Variants in ARHGAP15 observed in about 807,000 individuals in gnomAD.
ARHGAP15 encodes the protein rho GTPase-activating protein 15.
In ARHGAP15, 51 loss-of-function variants were observed where a neutral mutation model predicts 63.7. The observed-to-expected ratio is 0.80, with a 90% CI of 0.64 to 1.01. ARHGAP15 has a LOEUF of 1.01. ARHGAP15 is among the 50% of genes least tolerant of loss of function. The pLI is 0.00. For synonymous variants in ARHGAP15, 191 were observed against 193.8 expected, an observed-to-expected ratio of 0.99 and a Z score of 0.12; for missense variants, 560 against 564.6, an observed-to-expected ratio of 0.99 and a Z score of 0.08.
chr2:143,303,255 T>C (rs908912545), intron 6 of ARHGAP15, among the ~76,000 whole-genome samples: 1 of 152,066 alleles, frequency 6.6e-6, no homozygotes, highest in Non-Finnish European at 1.5e-5. Flanking sequence ...AATTTTGCTA[T>C]GTATCCATCT....
At chr2:143,605,178 C>T (rs1229806814) in intron 11 of ARHGAP15, among the ~76,000 whole-genome samples, 2 of 152,172 alleles carry the variant, frequency 1.3e-5, no homozygotes, top group African/African-American at 4.8e-5. Flanking sequence ...ATATGAGCCA[C>T]TGCACCCAGC....
chr2:143,404,804 T>A (rs763686708), intron 6 of ARHGAP15, among the ~76,000 whole-genome samples: 1 of 151,900 alleles, frequency 6.6e-6, no homozygotes, highest in Non-Finnish European at 1.5e-5. Flanking sequence ...GTGAATTGCA[T>A]TGAGTTTATA....
chr2:143,588,875 A>G (rs1255189168), intron 11 of ARHGAP15, among the ~76,000 whole-genome samples: 1 of 152,022 alleles, frequency 6.6e-6, no homozygotes, highest in African/African-American at 2.4e-5. Flanking sequence ...CTCTTTAATA[A>G]ATTTGTTTTC....
intron 6 of ARHGAP15, among the ~76,000 whole-genome samples, chr2:143,396,630 T>A (rs62172061): frequency 2.1e-5 from 3 of 141,978 alleles, no homozygotes; most frequent in Non-Finnish European, 4.6e-5. Context: ...TTTTTTTTTT[T>A]AATCTAAACG....
intron 10 of ARHGAP15, among the ~76,000 whole-genome samples, chr2:143,535,239 G>A (rs1327390296): frequency 6.6e-6 from 1 of 152,056 alleles, no homozygotes; most frequent in Non-Finnish European, 1.5e-5. Flanking sequence ...AAGCCAACAT[G>A]TTGTACCCAT....
chr2:143,547,055 T>G (rs141583324), intron 10 of ARHGAP15, among the ~76,000 whole-genome samples: 40 of 152,254 alleles, frequency 2.6e-4, no homozygotes, highest in African/African-American at 8.9e-4. Flanking sequence ...TCTAGAGAAA[T>G]TTCTCAAGCA....
intron 6 of ARHGAP15, among the ~76,000 whole-genome samples, chr2:143,317,003 T>C (rs189115482): frequency 4.6e-5 from 7 of 152,264 alleles, no homozygotes; most frequent in Non-Finnish European, 8.8e-5. Context: ...AATAAACTTT[T>C]CCTGATTATT....
chr2:143,340,092 C>T (rs545661032), intron 6 of ARHGAP15, among the ~76,000 whole-genome samples: 1 of 152,074 alleles, frequency 6.6e-6, no homozygotes, highest in African/African-American at 2.4e-5. Flanking sequence ...AGAAGCAATA[C>T]GTATATGAAA....
At chr2:143,387,838 C>A (rs561927804) in intron 6 of ARHGAP15, among the ~76,000 whole-genome samples, 1 of 148,572 alleles carries the variant, frequency 6.7e-6, no homozygotes, top group Admixed American at 7.1e-5. Context: ...CACACGCATG[C>A]AAGCACACAC....
intron 11 of ARHGAP15, among the ~76,000 whole-genome samples, chr2:143,587,460 C>T (rs1187904920): frequency 6.6e-6 from 1 of 152,132 alleles, no homozygotes; most frequent in Non-Finnish European, 1.5e-5. Context: ...ATGCTTTTCA[C>T]TAGAAATAAT....
At chr2:143,653,988 G>A (rs976722156) in intron 12 of ARHGAP15, among the ~76,000 whole-genome samples, 1 of 152,102 alleles carries the variant, frequency 6.6e-6, no homozygotes, top group Non-Finnish European at 1.5e-5. Context: ...GACATGATTA[G>A]ATTTGAAATA....
intron 6 of ARHGAP15, among the ~76,000 whole-genome samples, chr2:143,385,443 A>G (rs113484401): frequency 2.0e-5 from 3 of 152,292 alleles, no homozygotes; most frequent in African/African-American, 7.2e-5. Flanking sequence ...AAGTGAAGGC[A>G]TATGTTTTGA....
At chr2:143,751,083 G>T (rs114460790) in intron 13 of ARHGAP15, among the ~76,000 whole-genome samples, 1 of 152,116 alleles carries the variant, frequency 6.6e-6, no homozygotes, top group Admixed American at 6.5e-5. Flanking sequence ...TTAACATGGC[G>T]CCAGTTACCT....
chr2:143,170,682 C>T (rs1690739855), intron 2 of ARHGAP15, among the ~76,000 whole-genome samples: 1 of 152,136 alleles, frequency 6.6e-6, no homozygotes, highest in South Asian at 2.1e-4. Flanking sequence ...CCAACTAAAA[C>T]TCAACCCCCT....
At chr2:143,571,220 A>C (rs958376650) in intron 11 of ARHGAP15, among the ~76,000 whole-genome samples, 1 of 152,218 alleles carries the variant, frequency 6.6e-6, no homozygotes, top group Admixed American at 6.5e-5. Context: ...TATGGTGAGC[A>C]TGTAACAATA....
At chr2:143,504,293 G>A (rs778811185) in intron 9 of ARHGAP15, among the ~76,000 whole-genome samples, 4 of 151,908 alleles carry the variant, frequency 2.6e-5, no homozygotes, top group Non-Finnish European at 5.9e-5. Context: ...ATGTATTGAG[G>A]ACCTAGCATG....
intron 6 of ARHGAP15, among the ~76,000 whole-genome samples, chr2:143,381,999 C>A (rs1299647419): frequency 6.6e-6 from 1 of 151,778 alleles, no homozygotes; most frequent in African/African-American, 2.4e-5. Flanking sequence ...CTAGGTGGTT[C>A]ACTTCTCTTG....
chr2:143,559,536 A>T (rs1490373345), intron 11 of ARHGAP15, among the ~76,000 whole-genome samples: 1 of 152,212 alleles, frequency 6.6e-6, no homozygotes, highest in African/African-American at 2.4e-5. Flanking sequence ...TGTGTTATGG[A>T]GTTTTCTGAA....
chr2:143,734,892 G>A (rs1685686332), intron 13 of ARHGAP15, among the ~76,000 whole-genome samples: 1 of 152,130 alleles, frequency 6.6e-6, no homozygotes, highest in South Asian at 2.1e-4. Context: ...AACATGGTGG[G>A]GGGTATTCCT....
Sources: allele counts gnomAD v4.1 joint callset (sites outside exome capture counted in the v4.1 genomes callset), GRCh38; gene constraint gnomAD v4.1.1; transcripts MANE v1.5; gene names NCBI Gene and HGNC (gene_info 2026-07-23, HGNC 2026-07-21).